Variants in SESTD1 observed in about 807,000 individuals in gnomAD.
SESTD1 encodes SEC14 and spectrin domain containing 1, also known as SEC14 domain and spectrin repeat-containing protein 1.
In SESTD1, 43 loss-of-function variants were observed where a neutral mutation model predicts 101.7. The ratio of observed to expected loss-of-function variants is 0.42; its 90% confidence interval spans 0.33 to 0.55. SESTD1 has a LOEUF of 0.55. Among genes scored for constraint, SESTD1 ranks in the 20% least tolerant of loss-of-function variants. SESTD1 has a pLI of 0.07. For synonymous variants in SESTD1, 283 were observed against 286.8 expected (o/e 0.99, Z 0.13); for missense variants, 647 against 815.1 (o/e 0.79, Z 2.51).
At chr2:179,255,669 G>A (rs1008407190) in intron 1 of SESTD1, among the ~76,000 whole-genome samples, 4 of 152,192 alleles carry the variant, frequency 2.6e-5, no homozygotes, top group African/African-American at 9.7e-5. Context: ...GCTGCAGTAT[G>A]TTATCAAAAA....
chr2:179,116,930 T>C (rs1175563925), intron 14 of SESTD1, 140 bp from the exon 15 acceptor site: 2 of 1,168,032 alleles, frequency 1.7e-6, no homozygotes, highest in African/African-American at 3.1e-5. Flanking sequence ...CTTATTTCAT[T>C]CAATGATAAG....
chr2:179,262,219 A>G (rs1443074422), intron 1 of SESTD1, among the ~76,000 whole-genome samples: 1 of 152,336 alleles, frequency 6.6e-6, no homozygotes, highest in East Asian at 1.9e-4. Flanking sequence ...GGGGAATAGT[A>G]ACAAAAGCTA....
At chr2:179,118,256 AAAC>A (rs1197872922) in intron 13 of SESTD1, among the ~76,000 whole-genome samples, 1 of 152,208 alleles carries the variant, frequency 6.6e-6, no homozygotes, top group African/African-American at 2.4e-5. Context: ...GGGCTTAAAA[AAAC>A]AAAAAAACTC....
intron 1 of SESTD1, 24 bp from the exon 2 acceptor site, chr2:179,191,890 T>A (rs536677838): frequency 2.0e-6 from 3 of 1,463,440 alleles, no homozygotes; most frequent in Non-Finnish European, 2.9e-6. Flanking sequence ...AAGTCAAATG[T>A]CAACTACAAG....
intron 5 of SESTD1, among the ~76,000 whole-genome samples, chr2:179,158,417 G>A (rs915078883): frequency 6.6e-6 from 1 of 152,082 alleles, no homozygotes; most frequent in Non-Finnish European, 1.5e-5. Context: ...TGATAAACAT[G>A]TTTCAAGTTT....
At chr2:179,156,595 A>T (rs2045636438) in intron 5 of SESTD1, among the ~76,000 whole-genome samples, 1 of 151,964 alleles carries the variant, frequency 6.6e-6, no homozygotes, top group Non-Finnish European at 1.5e-5. Flanking sequence ...GCATTTTTTC[A>T]TATGTTTGTT....
rs71023474 is a variant in SESTD1, at chr2:179,230,113, C to CTTTTTTTTTTTT, written c.-26+34374_-26+34385dup. 7.6e-4 allele frequency among the ~76,000 whole-genome samples: 43 copies of CTTTTTTTTTTTT among 56,418 alleles called. 13 individuals carry two copies. Among genetic ancestry groups the CTTTTTTTTTTTT allele is most frequent in the Admixed American group, 1.2e-3 (4 of 3,418 alleles). The allele number at this position is 56,418 out of a possible 152,430, so 37.0% of individuals were successfully genotyped here. Reference sequence around the variant, plus strand: ...AAATATTCCAAACTGGATTGTATCTCTTTTTTTTTTTTTTTTTTTTTTTTT... The same window carrying CTTTTTTTTTTTT: ...AAATATTCCAAACTGGATTGTATCTCTTTTTTTTTTTTTTTTTTTTTTTTTTTTTTTTTTTTT... On this transcript the variant is annotated intron_variant, in intron 1 of 17. Transcript: ENST00000428443.
At chr2:179,255,293 G>C (rs1559164438) in intron 1 of SESTD1, among the ~76,000 whole-genome samples, 1 of 152,140 alleles carries the variant, frequency 6.6e-6, no homozygotes, top group Non-Finnish European at 1.5e-5. Flanking sequence ...AGACAACAGA[G>C]GTCAAAAGCT....
At chr2:179,226,774 A>T (rs1275391479) in intron 1 of SESTD1, among the ~76,000 whole-genome samples, 1 of 152,222 alleles carries the variant, frequency 6.6e-6, no homozygotes, top group Non-Finnish European at 1.5e-5. Context: ...AATCTAAAAT[A>T]GATGTTGGCT....
chr2:179,135,654 G>A (rs2045125270), intron 9 of SESTD1, among the ~76,000 whole-genome samples: 1 of 152,162 alleles, frequency 6.6e-6, no homozygotes, highest in Non-Finnish European at 1.5e-5. Context: ...TCAGGAGGCT[G>A]AGATTGGAGA....
chr2:179,134,767 A>G (rs1021862459), intron 9 of SESTD1, among the ~76,000 whole-genome samples: 2 of 152,186 alleles, frequency 1.3e-5, no homozygotes, highest in Admixed American at 6.5e-5. Context: ...TGAAATACCC[A>G]ATTAATGACA....
At chr2:179,254,351 A>T (rs1225024747) in intron 1 of SESTD1, among the ~76,000 whole-genome samples, 13 of 152,164 alleles carry the variant, frequency 8.5e-5, no homozygotes, top group Non-Finnish European at 1.2e-4. Context: ...CTTTCTCCTT[A>T]ACGCACTACA....
chr2:179,221,360 C>G (rs866530749), intron 1 of SESTD1, among the ~76,000 whole-genome samples: 15 of 151,420 alleles, frequency 9.9e-5, no homozygotes, highest in Admixed American at 9.2e-4. Flanking sequence ...CACCTGTAAT[C>G]CTAGCACTTT....
At chr2:179,245,515 CAAAAAAAAAAAAAAA>C (rs59103658) in intron 1 of SESTD1, among the ~76,000 whole-genome samples, 3,383 of 45,304 alleles carry the variant, frequency 0.075, 182 homozygotes, top group African/African-American at 0.2. Flanking sequence ...GACTCTGTCT[CAAAAAAAAAAAAAAA>C]AAAAAAAAAA....
intron 5 of SESTD1, among the ~76,000 whole-genome samples, chr2:179,157,359 A>G (rs1348525370): frequency 6.6e-6 from 1 of 152,208 alleles, no homozygotes; most frequent in Non-Finnish European, 1.5e-5. Context: ...ACAGAATTAG[A>G]AAACACAATT....
At chr2:179,123,929 C>T in intron 11 of SESTD1, 100 bp from the exon 12 acceptor site, 1 of 834,296 alleles carries the variant, frequency 1.2e-6, no homozygotes, top group Non-Finnish European at 2.0e-6. Flanking sequence ...ATCACAATTA[C>T]ACTTGAAAAG....
intron 17 of SESTD1, among the ~76,000 whole-genome samples, chr2:179,111,006 T>C (rs141770458): frequency 9.7e-4 from 148 of 152,292 alleles, no homozygotes; most frequent in South Asian, 5.2e-3. Context: ...GACGAGAAGC[T>C]GAAGCAAGCA....
intron 9 of SESTD1, among the ~76,000 whole-genome samples, chr2:179,134,650 A>T (rs1559106470): frequency 6.6e-6 from 1 of 151,934 alleles, no homozygotes; most frequent in Non-Finnish European, 1.5e-5. Context: ...TCCAATAGAG[A>T]TTGGAATGGT....
chr2:179,172,340 GAGA>G, intron 4 of SESTD1, 107 bp from the exon 5 acceptor site: 1 of 607,182 alleles, frequency 1.6e-6, no homozygotes, highest in Non-Finnish European at 2.7e-6. Flanking sequence ...GAGATTTTTG[GAGA>G]AGAATTAAAA....
Sources: gnomAD v4.1 joint callset for allele counts (sites outside exome capture counted in the v4.1 genomes callset) on GRCh38, gnomAD v4.1.1 for gene constraint, MANE v1.5 for transcripts, NCBI Gene and HGNC (gene_info 2026-07-23, HGNC 2026-07-21) for gene names.